PCDHA6: variants seen among roughly 807,000 people sequenced by gnomAD.
The protein encoded by PCDHA6 is protocadherin alpha 6, also known as protocadherin alpha-6.
A neutral mutation model predicts 60.3 loss-of-function variants in PCDHA6; 55 were observed. The observed-to-expected ratio is 0.91, with a 90% CI of 0.73 to 1.14. The LOEUF (loss-of-function observed/expected upper bound fraction) is 1.14, where lower values mean the gene tolerates loss of function less well. PCDHA6 is among the 50% of genes most tolerant of loss of function. PCDHA6 has a pLI of 0.00. For missense variants in PCDHA6, 1,327 were observed against 1,256.5 expected, an observed-to-expected ratio of 1.06 and a Z score of -0.85; for synonymous variants, 652 against 557.9, an observed-to-expected ratio of 1.17 and a Z score of -2.38.
At chr5:140,985,619 G>A (rs961379624) in intron 3 of PCDHA6, among the ~76,000 whole-genome samples, 1 of 152,064 alleles carries the variant, frequency 6.6e-6, no homozygotes, top group Non-Finnish European at 1.5e-5. Flanking sequence ...TGAACCAGCT[G>A]TGTATTGCTC....
At chr5:140,837,919 TC>T (rs1554136703) in intron 1 of PCDHA6, among the ~76,000 whole-genome samples, 1 of 151,862 alleles carries the variant, frequency 6.6e-6, no homozygotes, top group African/African-American at 2.4e-5. Context: ...CTTCAAGCGA[TC>T]CTCCTACCTT....
Position 141,010,339 on chromosome 5 carries a change from A to G in PCDHA6, c.*402A>G. 2 of 1,534,058 alleles carry G rather than the reference A, an allele frequency of 1.3e-6. No homozygotes were observed. Among genetic ancestry groups the G allele is most frequent in the East Asian group, 4.9e-5 (2 of 40,762 alleles). On this transcript the variant is annotated 3_prime_UTR_variant, in exon 4 of 4. Transcript: ENST00000529310. ...TTGAGCAGCTTGGGAGTTTGTGGCC[A>G]CTGGGTATGTGTGGCTACCGCGGGT...
rs561153933 is a variant in PCDHA6, at chr5:140,927,279, G to A, written c.2395-51670G>A. Reference sequence around the variant, plus strand: ...CACCTCTCTTTCCTGCCGGCGACGTGCAGCTGCACATCCCCGAGTTCCTGA... The same window carrying A: ...CACCTCTCTTTCCTGCCGGCGACGTACAGCTGCACATCCCCGAGTTCCTGA... On this transcript the variant is annotated intron_variant, in intron 1 of 3. Transcript: ENST00000529310. 14 of 1,614,136 alleles carry A rather than the reference G, an allele frequency of 8.7e-6. 1 individual carries two copies. The South Asian group carries it at 1.4e-4, about 16-fold the overall frequency.
intron 1 of PCDHA6, among the ~76,000 whole-genome samples, chr5:140,964,573 G>A (rs191009049): frequency 3.0e-4 from 45 of 152,274 alleles, no homozygotes; most frequent in African/African-American, 1.9e-4. Flanking sequence ...GAGGAGATAA[G>A]GGGAGGAAAG....
Position 140,949,948 on chromosome 5 carries a change from G to T in PCDHA6, c.2395-29001G>T, listed in dbSNP as rs2094436034. Among the ~76,000 whole-genome samples the T allele has an allele frequency of 2.0e-5, 3 of 151,288 alleles. No individual in the cohort carries two copies. In the South Asian group the frequency reaches 6.2e-4, roughly 31 times the overall value. On this transcript the variant is annotated intron_variant, in intron 1 of 3. Coordinates refer to ENST00000529310, the MANE Select transcript of PCDHA6 (RefSeq NM_018909.4). ...GATTTTTTTTAATTTGCATTTTTTA[G>T]TGGTTGCTGTAAGGATTACAGCATA...
At chr5:140,841,445 G>C (rs1777235481) in intron 1 of PCDHA6, 6 of 1,612,934 alleles carry the variant, frequency 3.7e-6, no homozygotes, top group South Asian at 1.1e-5. Flanking sequence ...GGCCAAACAC[G>C]GCACCTTCGT....
At position 140,926,602 on chromosome 5, in the gene PCDHA6, C is replaced by T. The variant is rs1326525373; in HGVS notation, c.2395-52347C>T. 9 of 324,032 alleles carry T rather than the reference C, an allele frequency of 2.8e-5. No homozygotes were observed. The East Asian group carries it at 4.7e-4, about 17-fold the overall frequency. The allele number at this position is 324,032 out of a possible 1,614,324, so 20.1% of individuals were successfully genotyped here. On this transcript the variant is annotated intron_variant, in intron 1 of 3. Coordinates refer to ENST00000529310, the MANE Select transcript of PCDHA6 (RefSeq NM_018909.4). ...CCTCTCGCGCCCGGGCGGGCGGCCT[C>T]GTCTCTGCACCCCTAGGCGGCGCTG...
At chr5:140,958,868 A>G (rs2095446207) in intron 1 of PCDHA6, among the ~76,000 whole-genome samples, 2 of 152,108 alleles carry the variant, frequency 1.3e-5, no homozygotes, top group Non-Finnish European at 2.9e-5. Context: ...CTGGGTTTAT[A>G]AAAGAATTGA....
Position 140,967,394 on chromosome 5 carries a change from G to C in PCDHA6, c.2395-11555G>C, listed in dbSNP as rs1379450273. On this transcript the variant is annotated intron_variant, in intron 1 of 3. Coordinates refer to ENST00000529310, the MANE Select transcript of PCDHA6 (RefSeq NM_018909.4). ...GGAGAACAGTAAAGTGCTTGAGCTGGTGCTGCGTAAGGGCCTAGACCGGGA... is the reference window on the plus strand; with the variant it reads ...GGAGAACAGTAAAGTGCTTGAGCTGCTGCTGCGTAAGGGCCTAGACCGGGA... 4 of 1,609,940 alleles carry C rather than the reference G, an allele frequency of 2.5e-6. No homozygotes were observed. In the African/African-American group the frequency reaches 4.0e-5, roughly 16 times the overall value.
chr5:140,947,315 C>T (rs116397497), intron 1 of PCDHA6, among the ~76,000 whole-genome samples: 3,556 of 151,556 alleles, frequency 0.023, 49 homozygotes, highest in Middle Eastern at 0.034. Flanking sequence ...TGTAAAAAGT[C>T]GGTTGACCAT....
At position 140,855,779 on chromosome 5, in the gene PCDHA6, A is replaced by T. The variant is rs1017564312; in HGVS notation, c.2394+25294A>T. On this transcript the variant is annotated intron_variant, in intron 1 of 3. Transcript: ENST00000529310. ...AAAGTCCATAGACATAAAAATACGT[A>T]AAAAAAGAATTAACATATGAATGAA... is the stretch of plus-strand genomic sequence containing the variant. 1.2e-5 allele frequency: 5 copies of T among 408,902 alleles called. 1 individual carries two copies. Among genetic ancestry groups the T allele is most frequent in the African/African-American group, 2.0e-5 (1 of 49,354 alleles). The allele number at this position is 408,902 out of a possible 1,614,324, so 25.3% of individuals were successfully genotyped here.
chr5:140,862,390 A>T (rs1325136355), intron 1 of PCDHA6: 3 of 349,930 alleles, frequency 8.6e-6, no homozygotes, highest in African/African-American at 6.4e-5. Context: ...ACGTCTCTTC[A>T]AGCTGGTGTC....
chr5:140,924,900 A>T (rs622703), intron 1 of PCDHA6, among the ~76,000 whole-genome samples: 5 of 63,248 alleles, frequency 7.9e-5, no homozygotes, highest in Admixed American at 1.7e-4. Flanking sequence ...GTCTCAAAAA[A>T]AAAAATAAAA....
intron 1 of PCDHA6, chr5:140,876,542 T>C (rs782388773): frequency 5.0e-6 from 8 of 1,614,194 alleles, no homozygotes; most frequent in Non-Finnish European, 5.9e-6. Flanking sequence ...TCACTGTCGC[T>C]CCCTGTGCAA....
intron 1 of PCDHA6, among the ~76,000 whole-genome samples, chr5:140,880,921 T>C (rs187033233): frequency 6.6e-6 from 1 of 152,272 alleles, no homozygotes; most frequent in East Asian, 1.9e-4. Context: ...AGAAATACTA[T>C]GTTAGTAAAA....
chr5:140,870,792 A>G (rs782032105), intron 1 of PCDHA6: 5 of 1,613,658 alleles, frequency 3.1e-6, no homozygotes, highest in East Asian at 2.2e-5. Flanking sequence ...ACGCGCCGGC[A>G]CTGCTGGCGA....
Position 140,838,427 on chromosome 5 carries a change from A to T in PCDHA6, c.2394+7942A>T, listed in dbSNP as rs1775725974. The stretch of plus-strand genomic sequence containing the variant: ...GAGTGAGCCACCGCATCCGGCCTAA[A>T]TTATATATTGGGTTTTGTGGCATAT... On this transcript the variant is annotated intron_variant, in intron 1 of 3. Coordinates refer to ENST00000529310, the MANE Select transcript of PCDHA6 (RefSeq NM_018909.4). Among the ~76,000 whole-genome samples the T allele has an allele frequency of 2.0e-5, 3 of 151,540 alleles. No individual in the cohort carries two copies. The South Asian group carries it at 6.2e-4, about 32-fold the overall frequency.
At chr5:140,905,950 T>C (rs2072233262) in intron 1 of PCDHA6, among the ~76,000 whole-genome samples, 1 of 152,206 alleles carries the variant, frequency 6.6e-6, no homozygotes, top group Non-Finnish European at 1.5e-5. Flanking sequence ...TGGAATCCGA[T>C]GTTCAAGGGG....
At chr5:140,848,969 C>T in intron 1 of PCDHA6, 2 of 1,604,404 alleles carry the variant, frequency 1.2e-6, no homozygotes, top group Non-Finnish European at 8.5e-7. Context: ...AGGGCGCGTC[C>T]GATGCAGATA....
Sources: allele counts gnomAD v4.1 joint callset (sites outside exome capture counted in the v4.1 genomes callset), GRCh38; gene constraint gnomAD v4.1.1; transcripts MANE v1.5; gene names NCBI Gene and HGNC (gene_info 2026-07-23, HGNC 2026-07-21).